The following SLC25A21 variants were observed in gnomAD, a reference collection of about 807,000 sequenced individuals.
SLC25A21 encodes the protein solute carrier family 25 member 21, also known as mitochondrial 2-oxodicarboxylate carrier.
In SLC25A21, 47 loss-of-function variants were observed where a neutral mutation model predicts 43.8. The ratio of observed to expected loss-of-function variants is 1.07; its 90% CI spans 0.85 to 1.37. SLC25A21 has a LOEUF of 1.37. SLC25A21 is among the 40% of genes most tolerant of loss of function. The pLI is 0.00. For synonymous variants in SLC25A21, 131 were observed against 121.3 expected (o/e 1.08, Z -0.52); for missense variants, 352 against 350.2 (o/e 1.00, Z -0.04).
chr14:37,105,741 T>G (rs188346951), intron 1 of SLC25A21, among the ~76,000 whole-genome samples: 2 of 152,102 alleles, frequency 1.3e-5, no homozygotes, highest in East Asian at 3.9e-4. Context: ...ATTAGCAGAA[T>G]AGAATAGAAT....
Position 36,769,308 on chromosome 14 carries a change from G to T in SLC25A21, c.204-34735C>A, listed in dbSNP as rs564001322. Among the ~76,000 whole-genome samples the T allele has an allele frequency of 1.1e-4, 16 of 152,322 alleles. No individual in the cohort carries two copies. The East Asian group carries it at 2.5e-3, about 24-fold the overall frequency. On this transcript the variant is annotated intron_variant, in intron 3 of 9. Coordinates refer to ENST00000331299, the MANE Select transcript of SLC25A21 (RefSeq NM_030631.4). ...ATTTTATTTTCTCCCTCTGGGAATT[G>T]TCAGGGCAGGCATGTTCTTCCTCTC...
intron 4 of SLC25A21, among the ~76,000 whole-genome samples, chr14:36,733,694 G>A (rs547884035): frequency 6.6e-6 from 1 of 152,158 alleles, no homozygotes; most frequent in Admixed American, 6.5e-5. Context: ...TGCTTGGAAA[G>A]TAAGTCTTTA....
At chr14:36,936,045 G>GT (rs35239663) in intron 1 of SLC25A21, among the ~76,000 whole-genome samples, 2 of 152,080 alleles carry the variant, frequency 1.3e-5, no homozygotes. Context: ...CTGGTACTGG[G>GT]TTTTTATCTA....
At chr14:36,933,161 GC>G (rs2138638959) in intron 1 of SLC25A21, among the ~76,000 whole-genome samples, 1 of 152,226 alleles carries the variant, frequency 6.6e-6, no homozygotes, top group Non-Finnish European at 1.5e-5. Flanking sequence ...ACTGGAATTA[GC>G]TGCATGACTG....
chr14:37,049,715 C>T (rs1961665190), intron 1 of SLC25A21, among the ~76,000 whole-genome samples: 1 of 152,024 alleles, frequency 6.6e-6, no homozygotes, highest in South Asian at 2.1e-4. Flanking sequence ...CTAGTAGCCA[C>T]ACTAAAAAAA....
chr14:37,106,195 G>C (rs1962909253), intron 1 of SLC25A21, among the ~76,000 whole-genome samples: 1 of 151,996 alleles, frequency 6.6e-6, no homozygotes, highest in South Asian at 2.1e-4. Context: ...GCAATTTTTA[G>C]GGAACAAGGG....
intron 1 of SLC25A21, among the ~76,000 whole-genome samples, chr14:37,143,469 A>G (rs987826): frequency 0.53 from 81,338 of 152,064 alleles, 24,414 homozygotes; most frequent in Non-Finnish European, 0.66. Context: ...AACTAACTTT[A>G]AAAATACTTT....
intron 2 of SLC25A21, among the ~76,000 whole-genome samples, chr14:36,841,844 A>C (rs1293427429): frequency 6.6e-6 from 1 of 152,212 alleles, no homozygotes; most frequent in Non-Finnish European, 1.5e-5. Context: ...AGTGAGGCCA[A>C]GGCACTCACC....
chr14:37,116,346 T>C lies in SLC25A21; in HGVS notation c.70+55935A>G, dbSNP rs74885256. Among the ~76,000 whole-genome samples, 6 of 152,300 alleles carry C rather than the reference T, an allele frequency of 3.9e-5. No homozygotes were observed. The East Asian group carries it at 7.7e-4, about 20-fold the overall frequency. On this transcript the variant is annotated intron_variant, in intron 1 of 9. Coordinates refer to ENST00000331299, the MANE Select transcript of SLC25A21 (RefSeq NM_030631.4). Reference sequence around the variant, plus strand: ...TTACAATTTACTACCTTACAATGCATATACATTCACTTTGTGTGCATCTTA... The same window carrying C: ...TTACAATTTACTACCTTACAATGCACATACATTCACTTTGTGTGCATCTTA...
intron 2 of SLC25A21, among the ~76,000 whole-genome samples, chr14:36,819,572 T>C (rs1888561061): frequency 6.6e-6 from 1 of 152,126 alleles, no homozygotes; most frequent in South Asian, 2.1e-4. Context: ...AGAAATAAAA[T>C]GGCTTTGCTG....
intron 1 of SLC25A21, among the ~76,000 whole-genome samples, chr14:37,106,775 C>T (rs1439531110): frequency 6.6e-6 from 1 of 152,080 alleles, no homozygotes; most frequent in Non-Finnish European, 1.5e-5. Context: ...ACTTGCTGGT[C>T]TGAGACTCAG....
chr14:37,040,249 AG>A (rs1594764704), intron 1 of SLC25A21, among the ~76,000 whole-genome samples: 1 of 9,404 alleles, frequency 1.1e-4, no homozygotes, highest in Non-Finnish European at 2.0e-4. Flanking sequence ...GAAGGGAGGA[AG>A]GGAGGGAGGG....
At chr14:36,933,801 C>T (rs917833563) in intron 1 of SLC25A21, among the ~76,000 whole-genome samples, 1 of 152,168 alleles carries the variant, frequency 6.6e-6, no homozygotes, top group Admixed American at 6.5e-5. Flanking sequence ...CTTTCTGGTT[C>T]TGCACTATAG....
intron 1 of SLC25A21, among the ~76,000 whole-genome samples, chr14:36,960,859 G>T (rs1390996866): frequency 1.3e-5 from 2 of 152,178 alleles, no homozygotes; most frequent in Non-Finnish European, 2.9e-5. Context: ...CAAACATGGT[G>T]CCACTCTCAT....
intron 3 of SLC25A21, among the ~76,000 whole-genome samples, chr14:36,810,724 C>T (rs901100193): frequency 3.9e-5 from 6 of 152,116 alleles, no homozygotes; most frequent in Non-Finnish European, 7.4e-5. Flanking sequence ...TACTGAGTGT[C>T]TCTACTCAGT....
At chr14:36,938,754 C>A (rs184367615) in intron 1 of SLC25A21, among the ~76,000 whole-genome samples, 43 of 152,090 alleles carry the variant, frequency 2.8e-4, no homozygotes, top group Non-Finnish European at 1.3e-4. Context: ...AACTTCCCAA[C>A]AGAAACCTGA....
chr14:36,720,008 G>A (rs1324230372), intron 6 of SLC25A21, among the ~76,000 whole-genome samples: 56 of 152,080 alleles, frequency 3.7e-4, no homozygotes, highest in Admixed American at 3.7e-3. Context: ...CTTGGATCCC[G>A]GCTACAGGGG....
intron 4 of SLC25A21, among the ~76,000 whole-genome samples, chr14:36,733,651 CAT>C (rs993284957): frequency 5.3e-5 from 8 of 152,122 alleles, no homozygotes; most frequent in East Asian, 1.9e-4. Flanking sequence ...ATTTCACACA[CAT>C]GAGTAATGTA....
chr14:36,739,908 G>T (rs1194691926), intron 3 of SLC25A21, among the ~76,000 whole-genome samples: 1 of 152,122 alleles, frequency 6.6e-6, no homozygotes, highest in African/African-American at 2.4e-5. Flanking sequence ...GAGAGGGTTA[G>T]GCATGGACAT....
Sources: gnomAD v4.1 joint callset for allele counts (sites outside exome capture counted in the v4.1 genomes callset) on GRCh38, gnomAD v4.1.1 for gene constraint, MANE v1.5 for transcripts, NCBI Gene and HGNC (gene_info 2026-07-23, HGNC 2026-07-21) for gene names.